The following PTCD2 variants were observed in gnomAD, a reference collection of about 807,000 sequenced individuals.
PTCD2 encodes pentatricopeptide repeat domain 2, also known as pentatricopeptide repeat-containing protein 2, mitochondrial.
Under a neutral mutation model 42.6 loss-of-function variants are expected in PTCD2, and 31 were observed. The observed-to-expected ratio is 0.73, with a 90% CI of 0.55 to 0.98. PTCD2 has a LOEUF of 0.98. Among genes scored for constraint, PTCD2 ranks in the 50% least tolerant of loss-of-function variants. The probability of loss-of-function intolerance (pLI) is 0.00; values close to 1 mark genes in which losing one functional copy is unlikely to be tolerated. For missense variants in PTCD2, 476 were observed against 454.8 expected, an observed-to-expected ratio of 1.05 and a Z score of -0.42; for synonymous variants, 183 against 170.9, an observed-to-expected ratio of 1.07 and a Z score of -0.55.
At position 72,335,042 on chromosome 5, in the gene PTCD2, T is replaced by G. The variant is rs147484109; in HGVS notation, c.493T>G (p.Ser165Ala). Residue 165 changes from serine (S) to alanine (A), a missense_variant, in exon 5 of 10, where the codon TCC (serine) becomes GCC (alanine). Coordinates refer to ENST00000380639, the MANE Select transcript of PTCD2 (RefSeq NM_024754.5). ...DQHLRGFFSD[S>A]TSFNILMDML... ...GCATTTACGAGGTTTCTTCTCAGAC[T>G]CCACATCATTCAATATTTTGATGGA... is the stretch of plus-strand genomic sequence containing the variant. 17 of 1,595,856 alleles carry G rather than the reference T, an allele frequency of 1.1e-5. No homozygotes were observed. Among genetic ancestry groups the G allele is most frequent in the Non-Finnish European group, 1.2e-5 (14 of 1,163,786 alleles).
chr5:72,343,093 T>C, intron 8 of PTCD2, 57 bp downstream of exon 8: 1 of 906,060 alleles, frequency 1.1e-6, no homozygotes, highest in Non-Finnish European at 1.6e-6. Flanking sequence ...AATAAATGTA[T>C]TATAATAAAA....
chr5:72,326,359 C>T (rs919730407), intron 2 of PTCD2, among the ~76,000 whole-genome samples: 1 of 152,190 alleles, frequency 6.6e-6, no homozygotes, highest in African/African-American at 2.4e-5. Context: ...TGAGCTCTTA[C>T]CCCACAGATT....
intron 9 of PTCD2, among the ~76,000 whole-genome samples, chr5:72,357,721 T>A (rs868272056): frequency 6.6e-6 from 1 of 152,162 alleles, no homozygotes; most frequent in African/African-American, 2.4e-5. Flanking sequence ...CCCCTTTTTT[T>A]ATATTAGGTA....
intron 6 of PTCD2, among the ~76,000 whole-genome samples, chr5:72,336,874 C>A (rs1312695421): frequency 6.6e-6 from 1 of 152,006 alleles, no homozygotes; most frequent in Non-Finnish European, 1.5e-5. Context: ...ACTTTGGAAA[C>A]CTGGCACACA....
At chr5:72,351,305 T>C (rs1388528822) in intron 8 of PTCD2, among the ~76,000 whole-genome samples, 1 of 152,162 alleles carries the variant, frequency 6.6e-6, no homozygotes, top group East Asian at 1.9e-4. Context: ...GGTGGTAGTA[T>C]CATTCCGAAA....
intron 9 of PTCD2, among the ~76,000 whole-genome samples, chr5:72,356,868 G>C (rs1561399382): frequency 6.6e-6 from 1 of 152,156 alleles, no homozygotes; most frequent in Non-Finnish European, 1.5e-5. Flanking sequence ...GGTGCAAACA[G>C]TGTTATATAT....
chr5:72,333,900 C>T (rs770051133), intron 4 of PTCD2, among the ~76,000 whole-genome samples: 9 of 152,040 alleles, frequency 5.9e-5, no homozygotes, highest in African/African-American at 7.2e-5. Context: ...GTCACCTAAG[C>T]GGGAATACAG....
At chr5:72,320,683 A>G in intron 1 of PTCD2, 174 bp downstream of exon 1, 1 of 787,544 alleles carries the variant, frequency 1.3e-6, no homozygotes, top group Non-Finnish European at 2.0e-6. Context: ...GGGGTCGTGG[A>G]TACCCCCAGT....
In PTCD2 at chr5:72,338,731, A is replaced by C; in HGVS notation, c.749A>C (p.Asn250Thr). 6.3e-7 allele frequency: 1 copy of C among 1,581,024 alleles called. No homozygotes were observed. Among genetic ancestry groups the C allele is most frequent in the Non-Finnish European group, 8.7e-7 (1 of 1,150,382 alleles). The change falls in exon 7 of 10, where the codon AAT (asparagine) becomes ACT (threonine). Residue 250 changes from asparagine to threonine, a missense_variant. By Grantham distance (65) the Asn-to-Thr change is moderately conservative (BLOSUM62 0). Transcript: ENST00000380639. ...TGTTTCGCTGTGGCATTAGCTCTGA[A>C]TCAGGTAAAGCCTTGTGGTGTACAT... ...ASCFAVALALNQNEMAKAVSI... is the reference protein window; with the variant it reads ...ASCFAVALALTQNEMAKAVSI...
In PTCD2 at chr5:72,338,926, T is replaced by C. The variant is rs1468949274; in HGVS notation, c.753+191T>C. ...CCACAAAGAATGATTTTATTTACAGTTGGGGACCTAACATGCATTTCTAAA... is the reference window on the plus strand; with the variant it reads ...CCACAAAGAATGATTTTATTTACAGCTGGGGACCTAACATGCATTTCTAAA... On this transcript the variant is annotated intron_variant, in intron 7 of 9. Coordinates refer to ENST00000380639, the MANE Select transcript of PTCD2 (RefSeq NM_024754.5). 2.0e-5 allele frequency among the ~76,000 whole-genome samples: 3 copies of C among 152,250 alleles called. No individual in the cohort carries two copies. In the East Asian group the frequency reaches 5.8e-4, roughly 29 times the overall value.
rs138050489 is a variant in PTCD2 at position 72,358,590 on chromosome 5, G to T, written c.*163G>T. 67 of 619,230 alleles carry T rather than the reference G, an allele frequency of 1.1e-4. No homozygotes were observed. Among genetic ancestry groups the T allele is most frequent in the East Asian group, 4.9e-4 (18 of 36,440 alleles). The allele number at this position is 619,230 out of a possible 1,614,324, so 38.4% of individuals were successfully genotyped here. ...ATGGTACCATGCCGATCTCTGAGAA[G>T]TTATGTTGCACCACTGTGAAGGTCT... On this transcript the variant is annotated 3_prime_UTR_variant, in exon 10 of 10. Transcript: ENST00000380639.
chr5:72,345,438 G>A (rs375116520), intron 8 of PTCD2, among the ~76,000 whole-genome samples: 4 of 152,122 alleles, frequency 2.6e-5, no homozygotes, highest in African/African-American at 9.7e-5. Context: ...GTCCTGAGGC[G>A]ACATACATCC....
At chr5:72,346,466 C>G (rs1366100378) in intron 8 of PTCD2, among the ~76,000 whole-genome samples, 1 of 152,172 alleles carries the variant, frequency 6.6e-6, no homozygotes, top group African/African-American at 2.4e-5. Context: ...CCCTCCCTGT[C>G]TTAGCCTGCT....
Position 72,343,054 on chromosome 5 carries a change from G to T in PTCD2, c.828+18G>T. 1 of 1,420,642 alleles carries T rather than the reference G, an allele frequency of 7.0e-7. No homozygotes were observed. Among genetic ancestry groups the T allele is most frequent in the South Asian group, 1.3e-5 (1 of 77,560 alleles). 88.0% of individuals were successfully genotyped at this position (1,420,642 alleles called of 1,614,324 possible). A position where few individuals can be genotyped will look rare whatever the true frequency, so the allele number is the denominator to read the frequency against. ...ATTTAAATGTAAGTGATTTCTTTAT[G>T]GTTTAAGGTAAGCCTTGAAATGTAT... On this transcript the variant is annotated intron_variant, in intron 8 of 9. Transcript: ENST00000380639.
chr5:72,334,984 CT>C (rs1751651077), intron 4 of PTCD2, 33 bp from the exon 5 acceptor site: 1 of 1,395,042 alleles, frequency 7.2e-7, no homozygotes, highest in South Asian at 1.2e-5. Context: ...ATAGTTTTAA[CT>C]TTTAACCAAA....
In PTCD2 at chr5:72,341,571, A is replaced by G. The variant is rs202175787; in HGVS notation, c.754-1391A>G. Reference sequence around the variant, plus strand: ...AACATAGGGAGACCCTGTCTCTACAAAAAATAAATAAATAAATAAAACAGG... The same window carrying G: ...AACATAGGGAGACCCTGTCTCTACAGAAAATAAATAAATAAATAAAACAGG... On this transcript the variant is annotated intron_variant, in intron 7 of 9. Transcript: ENST00000380639. 6.5e-4 allele frequency among the ~76,000 whole-genome samples: 99 copies of G among 152,040 alleles called. No individual in the cohort carries two copies. In the East Asian group the frequency reaches 0.018, roughly 27 times the overall value.
At chr5:72,331,160 G>T (rs1227620766) in intron 3 of PTCD2, 98 bp from the exon 4 acceptor site, 3 of 780,270 alleles carry the variant, frequency 3.8e-6, no homozygotes, top group Non-Finnish European at 6.9e-6. Flanking sequence ...TTCGTTCTCT[G>T]TTGTGTCCCA....
intron 3 of PTCD2, among the ~76,000 whole-genome samples, chr5:72,329,160 T>C (rs1390012545): frequency 6.6e-6 from 1 of 152,242 alleles, no homozygotes; most frequent in African/African-American, 2.4e-5. Context: ...ATCATAAATA[T>C]TCAAAGTATG....
chr5:72,326,763 T>G (rs1392954747), intron 3 of PTCD2, 22 bp downstream of exon 3: 1 of 1,611,692 alleles, frequency 6.2e-7, no homozygotes, highest in African/African-American at 1.3e-5. Context: ...CCTTAGAATG[T>G]TGCCACCCTT....
Sources: gnomAD v4.1 joint callset for allele counts (sites outside exome capture counted in the v4.1 genomes callset) on GRCh38, gnomAD v4.1.1 for gene constraint, MANE v1.5 for transcripts, NCBI Gene and HGNC (gene_info 2026-07-23, HGNC 2026-07-21) for gene names.